CRYBG3: variants seen among roughly 807,000 people sequenced by gnomAD.
The protein encoded by CRYBG3 is very large A-kinase anchor protein.
In CRYBG3, 127 loss-of-function variants were observed where a neutral mutation model predicts 244.2. That is an observed-to-expected ratio of 0.52 (90% CI 0.45 to 0.60). The LOEUF (loss-of-function observed/expected upper bound fraction) is 0.60. CRYBG3 is among the 20% of genes least tolerant of loss of function. The pLI, the probability that CRYBG3 is intolerant of heterozygous loss-of-function variation, is 0.00. For missense variants in CRYBG3, 3,325 were observed against 3,442.5 expected, an observed-to-expected ratio of 0.97 and a Z score of 0.85; for synonymous variants, 1,132 against 1,195.8, an observed-to-expected ratio of 0.95 and a Z score of 1.10.
At chr3:97,854,425 TA>T (rs1489969105) in intron 2 of CRYBG3, among the ~76,000 whole-genome samples, 1 of 152,154 alleles carries the variant, frequency 6.6e-6, no homozygotes, top group Admixed American at 6.5e-5. Context: ...ATTGAATCTG[TA>T]GATTACTTTT....
rs375531152 is a variant in CRYBG3, at chr3:97,877,190, T to G, written c.5996T>G (p.Phe1999Cys). Reference sequence around the variant, plus strand: ...CAAGATGAACAAGAAAATTCTTCCTTTACTATATTATACGAAGAGCCCCTT... The same window carrying G: ...CAAGATGAACAAGAAAATTCTTCCTGTACTATATTATACGAAGAGCCCCTT... ...VSQDEQENSS[F>C]TILYEEPLQE... is the part of the protein sequence containing the mutation. Residue 1999 changes from phenylalanine to cysteine, a missense_variant, in exon 4 of 22, where the codon TTT becomes TGT. This residue lies in a region of CRYBG3 where 450 missense variants were observed against 424.1 expected (regional missense o/e 1.06). Coordinates refer to ENST00000389622, the MANE Select transcript of CRYBG3 (RefSeq NM_153605.4). 120 of 1,613,846 alleles carry G rather than the reference T, an allele frequency of 7.4e-5. No individual in the cohort carries two copies. The Middle Eastern group carries it at 3.0e-3, about 40-fold the overall frequency.
chr3:97,917,490 T>G (rs2039940686), intron 17 of CRYBG3, among the ~76,000 whole-genome samples: 1 of 152,134 alleles, frequency 6.6e-6, no homozygotes, highest in African/African-American at 2.4e-5. Context: ...TTTGCGAAGA[T>G]GTGTTATAGC....
At chr3:97,857,328 A>T (rs1223210517) in intron 2 of CRYBG3, among the ~76,000 whole-genome samples, 1 of 152,072 alleles carries the variant, frequency 6.6e-6, no homozygotes, top group African/African-American at 2.4e-5. Context: ...TTTGCTGATG[A>T]GAAAAATGTG....
At chr3:97,840,485 G>T (rs1049347655) in intron 1 of CRYBG3, among the ~76,000 whole-genome samples, 2 of 151,998 alleles carry the variant, frequency 1.3e-5, no homozygotes, top group Admixed American at 6.6e-5. Context: ...TCCATTGTTT[G>T]CTCAGTACTT....
intron 2 of CRYBG3, among the ~76,000 whole-genome samples, chr3:97,854,679 C>G (rs1215191451): frequency 6.6e-6 from 1 of 150,696 alleles, no homozygotes; most frequent in African/African-American, 2.4e-5. Flanking sequence ...TAGCAGTGCT[C>G]CTGATTTGTA....
intron 4 of CRYBG3, among the ~76,000 whole-genome samples, 198 bp from the exon 5 acceptor site, chr3:97,879,506 T>C (rs571334393): frequency 2.6e-5 from 4 of 152,338 alleles, no homozygotes; most frequent in African/African-American, 9.6e-5. Context: ...CTAAGCTATG[T>C]ACTTCTTGAG....
intron 15 of CRYBG3, among the ~76,000 whole-genome samples, chr3:97,905,078 A>C (rs568093694): frequency 0.013 from 1,938 of 152,122 alleles, 42 homozygotes; most frequent in African/African-American, 0.045. Context: ...TGAACTCATC[A>C]TTTTTTATGG....
intron 4 of CRYBG3, among the ~76,000 whole-genome samples, chr3:97,878,258 A>T (rs1258585603): frequency 6.6e-6 from 1 of 152,050 alleles, no homozygotes; most frequent in South Asian, 2.1e-4. Context: ...AAAATAAAAA[A>T]TAATTAGCCG....
chr3:97,900,785 C>T (rs1025695541), intron 15 of CRYBG3, among the ~76,000 whole-genome samples: 3 of 152,196 alleles, frequency 2.0e-5, no homozygotes, highest in Non-Finnish European at 4.4e-5. Context: ...TCTTCAGTGT[C>T]ACATTCTTCA....
At chr3:97,828,040 C>T (rs1380474367) in intron 1 of CRYBG3, among the ~76,000 whole-genome samples, 1 of 152,142 alleles carries the variant, frequency 6.6e-6, no homozygotes, top group African/African-American at 2.4e-5. Context: ...TAAATGCACA[C>T]ATTTATGCAG....
chr3:97,822,993 C>T (rs2038527072), intron 1 of CRYBG3, among the ~76,000 whole-genome samples: 2 of 152,322 alleles, frequency 1.3e-5, no homozygotes, highest in South Asian at 2.1e-4. Flanking sequence ...CTTTATTTCT[C>T]ATCTCTCCTA....
rs2039321527 is a variant in CRYBG3, at chr3:97,872,812, A to G, written c.1618A>G (p.Ile540Val). ...AGAAAGTGCCTCAGCTGGTGAATCC[A>G]TAGCTTCAAGTCATGTAAAAGCTCC... is the stretch of plus-strand genomic sequence containing the variant. The part of the protein sequence containing the change: ...ETESASAGES[I>V]ASSHVKAPED... The change falls in exon 4 of 22, where the codon ATA becomes GTA. Residue 540 changes from isoleucine (I) to valine (V), a missense_variant. Ile to Val is a conservative substitution (Grantham distance 29). Transcript: ENST00000389622. 1 of 1,536,028 alleles carries G rather than the reference A, an allele frequency of 6.5e-7. No homozygotes were observed. The highest frequency in any genetic ancestry group is 2.4e-5 in the East Asian group (1 of 40,928).
intron 15 of CRYBG3, among the ~76,000 whole-genome samples, chr3:97,909,187 C>T (rs1420343719): frequency 6.7e-6 from 1 of 150,086 alleles, no homozygotes; most frequent in East Asian, 1.9e-4. Flanking sequence ...AACATTTTTT[C>T]CTTCATTTCA....
chr3:97,895,768 T>C (rs543901475), intron 11 of CRYBG3, among the ~76,000 whole-genome samples, 191 bp from the exon 12 acceptor site: 1 of 152,354 alleles, frequency 6.6e-6, no homozygotes, highest in South Asian at 2.1e-4. Flanking sequence ...GGGAAAAGCC[T>C]CCAAATTATA....
chr3:97,872,760 G>A lies in CRYBG3; in HGVS notation c.1566G>A (p.Val522=). The stretch of plus-strand genomic sequence containing the variant: ...CTGCCCAAGACTCACAGAAAAATGT[G>A]GCTGTTAGAGAAATCAGGCGAGAAA... The part of the protein sequence containing the change: ...RLSAQDSQKN[V]AVREIRRETE... The change falls in exon 4 of 22, where the codon GTG becomes GTA. Residue 522 remains valine, a synonymous_variant. Transcript: ENST00000389622. The A allele has an allele frequency of 1.3e-6, 2 of 1,535,868 alleles. No homozygotes were observed. The highest frequency in any genetic ancestry group is 2.4e-5 in the South Asian group (2 of 84,052).
chr3:97,822,339 G>C lies in CRYBG3; in HGVS notation c.133G>C (p.Gly45Arg). 4 of 1,505,850 alleles carry C rather than the reference G, an allele frequency of 2.7e-6. No homozygotes were observed. The highest frequency in any genetic ancestry group is 3.5e-6 in the Non-Finnish European group (4 of 1,131,478). 93.3% of individuals were successfully genotyped at this position (1,505,850 alleles called of 1,614,324 possible). ...GGGGACGAGCCCGCCTCCAGCTCCA[G>C]GCCGGTCCGCTGCCAGGTGGGAGTC... The part of the protein sequence containing the change: ...RPGTSPPPAP[G>R]RSAASVENEP... Residue 45 changes from glycine (G) to arginine (R), a missense_variant, in exon 1 of 22, where the codon GGC (glycine) becomes CGC (arginine). Transcript: ENST00000389622.
Position 97,874,311 on chromosome 3 carries a change from G to A in CRYBG3, c.3117G>A (p.Lys1039=). 1 of 1,527,494 alleles carries A rather than the reference G, an allele frequency of 6.5e-7. No homozygotes were observed. 94.6% of individuals were successfully genotyped at this position (1,527,494 alleles called of 1,614,324 possible). A position where few individuals can be genotyped will look rare whatever the true frequency, so the allele number is the denominator to read the frequency against. Residue 1039 remains lysine, a synonymous_variant, in exon 4 of 22, where the codon AAG becomes AAA. Transcript: ENST00000389622. ...LKVPSVLKLE[K]KSSSYRKKEN... ...TACCTTCTGTGCTGAAATTGGAAAA[G>A]AAATCCTCATCTTACAGAAAGAAAG... is the stretch of plus-strand genomic sequence containing the variant.
At chr3:97,907,730 T>A (rs1456412582) in intron 15 of CRYBG3, among the ~76,000 whole-genome samples, 3 of 152,032 alleles carry the variant, frequency 2.0e-5, no homozygotes, top group Non-Finnish European at 4.4e-5. Context: ...GAAGGGTGTT[T>A]TGTGTCTCTA....
rs529556844 is a variant in CRYBG3, at chr3:97,832,943, G to A, written c.150-10252G>A. On this transcript the variant is annotated intron_variant, in intron 1 of 21. Coordinates refer to ENST00000389622, the MANE Select transcript of CRYBG3 (RefSeq NM_153605.4). ...ACTTCTCAAAAGAAGACATTTATGC[G>A]GCCAATGAGCATATGAAAAAAAGCT... Among the ~76,000 whole-genome samples the A allele has an allele frequency of 5.3e-5, 8 of 152,124 alleles. No homozygotes were observed. In the South Asian group the frequency reaches 8.3e-4, roughly 16 times the overall value.
Sources: gnomAD v4.1 joint callset for allele counts (sites outside exome capture counted in the v4.1 genomes callset) on GRCh38, gnomAD v4.1.1 for gene constraint, gnomAD v4.1.1 regional missense constraint, MANE v1.5 for transcripts, NCBI Gene and HGNC (gene_info 2026-07-23, HGNC 2026-07-21) for gene names.